The following ZC2HC1B variants were observed in gnomAD, a reference collection of about 807,000 sequenced individuals.
ZC2HC1B encodes zinc finger C2HC-type containing 1B, also known as zinc finger C2HC domain-containing protein 1B.
Under a neutral mutation model 31.0 loss-of-function variants are expected in ZC2HC1B, and 36 were observed. The observed-to-expected ratio is 1.16, with a 90% CI of 0.89 to 1.54. The LOEUF (loss-of-function observed/expected upper bound fraction) is 1.54. Ranked by LOEUF, ZC2HC1B falls within the 40% of genes most tolerant of loss-of-function variation. The pLI is 0.00. For synonymous variants in ZC2HC1B, 73 were observed against 88.0 expected, an observed-to-expected ratio of 0.83 and a Z score of 0.95; for missense variants, 260 against 268.6, an observed-to-expected ratio of 0.97 and a Z score of 0.22.
intron 1 of ZC2HC1B, among the ~76,000 whole-genome samples, chr6:143,879,408 A>T (rs1777443311): frequency 6.6e-6 from 1 of 152,140 alleles, no homozygotes; most frequent in Non-Finnish European, 1.5e-5. Context: ...ATTAGATAGG[A>T]TCTGCTATCC....
At chr6:143,893,820 G>A (rs1182896877) in intron 4 of ZC2HC1B, among the ~76,000 whole-genome samples, 1 of 151,926 alleles carries the variant, frequency 6.6e-6, no homozygotes, top group African/African-American at 2.4e-5. Flanking sequence ...CCAAGTAGCT[G>A]GGACTACAGG....
chr6:143,910,363 T>C (rs1422441502), intron 6 of ZC2HC1B, among the ~76,000 whole-genome samples: 1 of 152,234 alleles, frequency 6.6e-6, no homozygotes, highest in African/African-American at 2.4e-5. Flanking sequence ...TTGCTTTTGT[T>C]GAGGAGTGTT....
At chr6:143,898,503 A>G (rs1263183302) in intron 4 of ZC2HC1B, 49 bp from the exon 5 acceptor site, 11 of 1,537,716 alleles carry the variant, frequency 7.2e-6, no homozygotes, top group Non-Finnish European at 8.8e-6. Flanking sequence ...AGTATTCTAT[A>G]GTTGTTTTTG....
rs1033011925 is a variant in ZC2HC1B, at chr6:143,887,119, G to C, written c.349+298G>C. Among the ~76,000 whole-genome samples the C allele has an allele frequency of 6.6e-6, 1 of 151,902 alleles. No individual in the cohort carries two copies. The highest frequency in any genetic ancestry group is 1.5e-5 in the Non-Finnish European group (1 of 68,012). On this transcript the variant is annotated intron_variant, in intron 4 of 7. Coordinates refer to ENST00000237275, the MANE Select transcript of ZC2HC1B (RefSeq NM_001013623.3). The surrounding 1 kb of genome is among the most constrained non-coding windows in gnomAD (Gnocchi z 5.1). ...TATGCAGAGCAAACTAACCAACTCTGCAACAGCCCCATCGTGTCAGATACC... is the reference window on the plus strand; with the variant it reads ...TATGCAGAGCAAACTAACCAACTCTCCAACAGCCCCATCGTGTCAGATACC...
chr6:143,925,570 C>G (rs1446808746), intron 6 of ZC2HC1B, among the ~76,000 whole-genome samples: 7 of 123,654 alleles, frequency 5.7e-5, no homozygotes, highest in Non-Finnish European at 9.8e-5. Flanking sequence ...GAGTTTCGCT[C>G]TTGTTGCCCA....
At chr6:143,888,369 C>T (rs998542998) in intron 4 of ZC2HC1B, among the ~76,000 whole-genome samples, 1 of 151,940 alleles carries the variant, frequency 6.6e-6, no homozygotes, top group Non-Finnish European at 1.5e-5. Context: ...TTTGTTTTTG[C>T]TATTCAAGGT....
rs760022651 is a variant in ZC2HC1B at position 143,884,932 on chromosome 6, G to A, written c.90+567G>A. 1.4e-4 allele frequency among the ~76,000 whole-genome samples: 22 copies of A among 152,136 alleles called. No homozygotes were observed. The highest frequency in any genetic ancestry group is 3.2e-3 in the Middle Eastern group (1 of 316). On this transcript the variant is annotated intron_variant, in intron 2 of 7. Coordinates refer to ENST00000237275, the MANE Select transcript of ZC2HC1B (RefSeq NM_001013623.3). This position sits in a 1 kb window ranked among gnomAD's most constrained non-coding sequence, Gnocchi z 5.1. ...CAGATTCAAGCTAACGGCATGTCAA[G>A]TCCCCGATTGATGGCTATAAAGTTG...
rs1243726569 is a variant in ZC2HC1B, at chr6:143,899,965, C to CT, written c.489+1279dup. 6.6e-6 allele frequency among the ~76,000 whole-genome samples: 1 copy of CT among 152,174 alleles called. No individual in the cohort carries two copies. Among genetic ancestry groups the CT allele is most frequent in the African/African-American group, 2.4e-5 (1 of 41,428 alleles). Reference sequence around the variant, plus strand: ...CTGGAAGTCTTCAAAGGCAAGCAAACTTTTTGCCCTTAAATATCAAAATGG... The same window carrying CT: ...CTGGAAGTCTTCAAAGGCAAGCAAACTTTTTTGCCCTTAAATATCAAAATGG... On this transcript the variant is annotated intron_variant, in intron 5 of 7. Transcript: ENST00000237275. The surrounding 1 kb of genome is among the most constrained non-coding windows in gnomAD (Gnocchi z 5.0).
Position 143,868,085 on chromosome 6 carries a change from T to C in ZC2HC1B, c.28+3518T>C, listed in dbSNP as rs1299841691. ...GTTTAAAGGGTTTCTTCCATTTGTT[T>C]CCATTTCCAATTTTGCTTTTTGGGA... On this transcript the variant is annotated intron_variant, in intron 1 of 7. Transcript: ENST00000237275. This position sits in a 1 kb window ranked among gnomAD's most constrained non-coding sequence, Gnocchi z 4.2. Among the ~76,000 whole-genome samples, 1 of 152,210 alleles carries C rather than the reference T, an allele frequency of 6.6e-6. No homozygotes were observed. The highest frequency in any genetic ancestry group is 1.5e-5 in the Non-Finnish European group (1 of 68,038).
rs1387730214 is a variant in ZC2HC1B, at chr6:143,865,451, G to T, written c.28+884G>T. 6.6e-6 allele frequency among the ~76,000 whole-genome samples: 1 copy of T among 152,114 alleles called. No individual in the cohort carries two copies. Among genetic ancestry groups the T allele is most frequent in the Non-Finnish European group, 1.5e-5 (1 of 68,030 alleles). Reference sequence around the variant, plus strand: ...TGCTCAGCTGTAACCTTCACTATAGGCTATTCCCTGAGCTTGTATTTAAAA... The same window carrying T: ...TGCTCAGCTGTAACCTTCACTATAGTCTATTCCCTGAGCTTGTATTTAAAA... On this transcript the variant is annotated intron_variant, in intron 1 of 7. Transcript: ENST00000237275. This position sits in a 1 kb window ranked among gnomAD's most constrained non-coding sequence, Gnocchi z 4.4.
intron 1 of ZC2HC1B, among the ~76,000 whole-genome samples, chr6:143,866,217 A>C (rs1432820573): frequency 6.6e-6 from 1 of 152,244 alleles, no homozygotes; most frequent in African/African-American, 2.4e-5. Flanking sequence ...TGCCCTGATA[A>C]GCCCACCATA....
rs922381678 is a variant in ZC2HC1B at position 143,887,902 on chromosome 6, C to T, written c.349+1081C>T. ...TCTCTTGATAATAGCCTTTAATACA[C>T]AAAAGTTTTTCATTTTGATGATGTC... On this transcript the variant is annotated intron_variant, in intron 4 of 7. Coordinates refer to ENST00000237275, the MANE Select transcript of ZC2HC1B (RefSeq NM_001013623.3). This position sits in a 1 kb window ranked among gnomAD's most constrained non-coding sequence, Gnocchi z 5.1. Among the ~76,000 whole-genome samples the T allele has an allele frequency of 2.0e-5, 3 of 151,952 alleles. No homozygotes were observed. The highest frequency in any genetic ancestry group is 1.5e-5 in the Non-Finnish European group (1 of 67,942).
In ZC2HC1B at chr6:143,911,268, C is replaced by T. The variant is rs1182941868; in HGVS notation, c.598+8116C>T. ...TATATCTTTTAATTGGGGCATTTAG[C>T]CCATTTAAATTTAAGGTTAGTATTG... is the stretch of plus-strand genomic sequence containing the variant. On this transcript the variant is annotated intron_variant, in intron 6 of 7. Coordinates refer to ENST00000237275, the MANE Select transcript of ZC2HC1B (RefSeq NM_001013623.3). This position sits in a 1 kb window ranked among gnomAD's most constrained non-coding sequence, Gnocchi z 4.5. Among the ~76,000 whole-genome samples, 2 of 152,008 alleles carry T rather than the reference C, an allele frequency of 1.3e-5. No individual in the cohort carries two copies. Among genetic ancestry groups the T allele is most frequent in the Non-Finnish European group, 2.9e-5 (2 of 68,008 alleles).
At chr6:143,910,866 C>T (rs553085136) in intron 6 of ZC2HC1B, among the ~76,000 whole-genome samples, 19 of 152,314 alleles carry the variant, frequency 1.2e-4, no homozygotes, top group African/African-American at 4.3e-4. Context: ...GATTCTCCTG[C>T]CTCAGCTTCC....
intron 5 of ZC2HC1B, among the ~76,000 whole-genome samples, chr6:143,902,626 A>G (rs1777749746): frequency 6.6e-6 from 1 of 152,114 alleles, no homozygotes; most frequent in Non-Finnish European, 1.5e-5. Flanking sequence ...TGCTTCAAAC[A>G]TTTGCTGCCT....
At position 143,895,078 on chromosome 6, in the gene ZC2HC1B, C is replaced by T. The variant is rs1281901989; in HGVS notation, c.350-3474C>T. Among the ~76,000 whole-genome samples, 6 of 152,206 alleles carry T rather than the reference C, an allele frequency of 3.9e-5. No homozygotes were observed. The highest frequency in any genetic ancestry group is 3.8e-4 in the East Asian group (2 of 5,204). On this transcript the variant is annotated intron_variant, in intron 4 of 7. Transcript: ENST00000237275. This position sits in a 1 kb window ranked among gnomAD's most constrained non-coding sequence, Gnocchi z 4.8. ...ATATGCACTCCCAACATTTTCACCA[C>T]GGTTTGATGATTTTGTTTGTGCAAG... is the stretch of plus-strand genomic sequence containing the variant.
In ZC2HC1B at chr6:143,917,613, C is replaced by G. The variant is rs138381091; in HGVS notation, c.598+14461C>G. On this transcript the variant is annotated intron_variant, in intron 6 of 7. Transcript: ENST00000237275. The surrounding 1 kb of genome is among the most constrained non-coding windows in gnomAD (Gnocchi z 4.1). ...TTTATACAGGTTGAATGCTCCTAATCTAAAAATCTGAAATCTAAAATGCTC... is the reference window on the plus strand; with the variant it reads ...TTTATACAGGTTGAATGCTCCTAATGTAAAAATCTGAAATCTAAAATGCTC... Among the ~76,000 whole-genome samples, 3 of 152,292 alleles carry G rather than the reference C, an allele frequency of 2.0e-5. No individual in the cohort carries two copies. The highest frequency in any genetic ancestry group is 2.9e-5 in the Non-Finnish European group (2 of 68,028).
chr6:143,901,538 G>T (rs769608091), intron 5 of ZC2HC1B, among the ~76,000 whole-genome samples: 1 of 152,042 alleles, frequency 6.6e-6, no homozygotes, highest in African/African-American at 2.4e-5. Context: ...GGGATTACAG[G>T]CATGAGACCC....
intron 1 of ZC2HC1B, among the ~76,000 whole-genome samples, chr6:143,878,821 A>G (rs1777436580): frequency 6.6e-6 from 1 of 152,228 alleles, no homozygotes; most frequent in South Asian, 2.1e-4. Context: ...GAACTTAACT[A>G]CCAAAAATAA....
Sources: gnomAD v4.1 joint callset for allele counts (sites outside exome capture counted in the v4.1 genomes callset) on GRCh38, gnomAD v4.1.1 for gene constraint, Gnocchi (gnomAD v3.1) non-coding constraint, MANE v1.5 for transcripts, NCBI Gene and HGNC (gene_info 2026-07-23, HGNC 2026-07-21) for gene names.